The following NAALADL2 variants were observed in gnomAD, a reference collection of about 807,000 sequenced individuals.
NAALADL2 encodes N-acetylated alpha-linked acidic dipeptidase like 2, also known as inactive N-acetylated-alpha-linked acidic dipeptidase-like protein 2.
Under a neutral mutation model 87.2 loss-of-function variants are expected in NAALADL2, and 76 were observed. The observed-to-expected ratio is 0.87, with a 90% CI of 0.72 to 1.05. The LOEUF is 1.05. Ranked by LOEUF, NAALADL2 falls within the 50% of genes least tolerant of loss-of-function variation. The probability of loss-of-function intolerance (pLI) is 0.00; values close to 1 mark genes in which losing one functional copy is unlikely to be tolerated. For missense variants in NAALADL2, 1,089 were observed against 945.8 expected (o/e 1.15, Z -1.99); for synonymous variants, 354 against 331.0 (o/e 1.07, Z -0.75).
intron 1 of NAALADL2, among the ~76,000 whole-genome samples, chr3:174,455,923 A>C (rs1220864999): frequency 6.6e-6 from 1 of 152,052 alleles, no homozygotes. Flanking sequence ...GGATCAAACT[A>C]TTCCTGTGTG....
chr3:175,417,523 T>TA (rs34472660), intron 5 of NAALADL2, among the ~76,000 whole-genome samples: 147 of 151,226 alleles, frequency 9.7e-4, no homozygotes, highest in Middle Eastern at 3.4e-3. Flanking sequence ...TAATGAGTTT[T>TA]AAAAAAAAAC....
chr3:174,469,928 C>T (rs1716795199), intron 1 of NAALADL2, among the ~76,000 whole-genome samples: 1 of 151,972 alleles, frequency 6.6e-6, no homozygotes, highest in Non-Finnish European at 1.5e-5. Flanking sequence ...ACACAAACTG[C>T]TATTATATTG....
intron 4 of NAALADL2, among the ~76,000 whole-genome samples, chr3:175,302,203 G>T (rs1757169074): frequency 6.6e-6 from 1 of 152,098 alleles, no homozygotes; most frequent in Admixed American, 6.6e-5. Flanking sequence ...ATTATAGTTT[G>T]GACTGTATAA....
chr3:175,685,408 C>T (rs991183687), intron 11 of NAALADL2, among the ~76,000 whole-genome samples: 1 of 151,564 alleles, frequency 6.6e-6, no homozygotes, highest in African/African-American at 2.4e-5. Flanking sequence ...AAAGGAGACA[C>T]ATGGTGTCTT....
chr3:175,028,344 A>C (rs1350748283), intron 1 of NAALADL2, among the ~76,000 whole-genome samples: 2 of 152,164 alleles, frequency 1.3e-5, no homozygotes, highest in Admixed American at 6.6e-5. Context: ...ACTCACTTTA[A>C]AATATGAAAG....
chr3:174,743,672 A>G (rs890709363), intron 3 of NAALADL2, among the ~76,000 whole-genome samples: 1 of 151,790 alleles, frequency 6.6e-6, no homozygotes, highest in African/African-American at 2.4e-5. Context: ...TCCTCAATGT[A>G]TTTCCAAATT....
At chr3:175,454,064 A>G (rs1721970574) in intron 6 of NAALADL2, among the ~76,000 whole-genome samples, 1 of 152,096 alleles carries the variant, frequency 6.6e-6, no homozygotes, top group African/African-American at 2.4e-5. Context: ...TTTGCTTTCA[A>G]CCTTCCTGTA....
chr3:174,610,597 A>T (rs1245149917), intron 2 of NAALADL2, among the ~76,000 whole-genome samples: 1 of 152,182 alleles, frequency 6.6e-6, no homozygotes. Context: ...AGAGAAATGC[A>T]AATCAAAACC....
At chr3:175,104,328 A>G (rs1722734388) in intron 2 of NAALADL2, among the ~76,000 whole-genome samples, 1 of 152,154 alleles carries the variant, frequency 6.6e-6, no homozygotes, top group East Asian at 1.9e-4. Context: ...TATGGTTATC[A>G]GGGCACTAGA....
intron 1 of NAALADL2, among the ~76,000 whole-genome samples, chr3:174,506,251 G>T (rs1159356284): frequency 6.6e-6 from 1 of 150,818 alleles, no homozygotes; most frequent in Non-Finnish European, 1.5e-5. Flanking sequence ...TGTGATCTTG[G>T]CTCACTGCAA....
chr3:174,729,962 T>C (rs1732553250), intron 2 of NAALADL2, among the ~76,000 whole-genome samples: 1 of 152,062 alleles, frequency 6.6e-6, no homozygotes, highest in African/African-American at 2.4e-5. Flanking sequence ...CAGGCTCTTG[T>C]CTAATTTTAA....
chr3:175,759,272 C>A (rs1476266024), intron 13 of NAALADL2, among the ~76,000 whole-genome samples: 1 of 151,302 alleles, frequency 6.6e-6, no homozygotes, highest in African/African-American at 2.4e-5. Flanking sequence ...ATTCAAAGTG[C>A]ACAATGAATA....
At chr3:175,615,958 A>T (rs1201446146) in intron 10 of NAALADL2, among the ~76,000 whole-genome samples, 1 of 147,048 alleles carries the variant, frequency 6.8e-6, no homozygotes, top group Non-Finnish European at 1.5e-5. Context: ...AGTATATATT[A>T]TATAGCATGT....
At chr3:174,621,600 T>TA (rs1346277505) in intron 2 of NAALADL2, among the ~76,000 whole-genome samples, 1 of 152,124 alleles carries the variant, frequency 6.6e-6, no homozygotes, top group Admixed American at 6.5e-5. Context: ...AAGATCACTT[T>TA]AATTTAGAAA....
rs560781300 is a variant in NAALADL2, at chr3:175,496,302, T to C, written c.1653+24544T>C. Among the ~76,000 whole-genome samples the C allele has an allele frequency of 3.6e-4, 55 of 152,242 alleles. 4 individuals carry two copies. The highest frequency in any genetic ancestry group is 2.5e-3 in the East Asian group (13 of 5,186). Reference sequence around the variant, plus strand: ...AGACTTGTATTATATTTTGCTATTGTTTGTGATTTATCATGTCTTTTAATT... The same window carrying C: ...AGACTTGTATTATATTTTGCTATTGCTTGTGATTTATCATGTCTTTTAATT... On this transcript the variant is annotated intron_variant, in intron 9 of 13. Transcript: ENST00000454872.
chr3:175,476,481 A>G (rs1397957351), intron 9 of NAALADL2, among the ~76,000 whole-genome samples: 1 of 152,212 alleles, frequency 6.6e-6, no homozygotes, highest in African/African-American at 2.4e-5. Flanking sequence ...AACATGCATT[A>G]TATGACAGTG....
intron 1 of NAALADL2, among the ~76,000 whole-genome samples, chr3:174,502,948 G>C (rs1718987055): frequency 6.6e-6 from 1 of 151,732 alleles, no homozygotes; most frequent in Admixed American, 6.6e-5. Context: ...AGAGTTGCTT[G>C]AACCTGGGAG....
chr3:175,289,421 C>T (rs989936528), intron 4 of NAALADL2, among the ~76,000 whole-genome samples: 7 of 152,022 alleles, frequency 4.6e-5, no homozygotes, highest in African/African-American at 1.4e-4. Flanking sequence ...GCTTTATTTT[C>T]GAAAGGTGCC....
chr3:175,589,481 T>A (rs929023446), intron 10 of NAALADL2, among the ~76,000 whole-genome samples: 3 of 152,048 alleles, frequency 2.0e-5, no homozygotes, highest in African/African-American at 7.2e-5. Flanking sequence ...TTCTTCTTTT[T>A]TAAATTTCTA....
Sources: allele counts gnomAD v4.1 joint callset (sites outside exome capture counted in the v4.1 genomes callset), GRCh38; gene constraint gnomAD v4.1.1; transcripts MANE v1.5; gene names NCBI Gene and HGNC (gene_info 2026-07-23, HGNC 2026-07-21).